Variants in NRG1 observed in about 807,000 individuals in gnomAD.
NRG1 encodes neuregulin 1.
Under a neutral mutation model 63.8 loss-of-function variants are expected in NRG1, and 18 were observed. The ratio of observed to expected loss-of-function variants is 0.28; its 90% CI spans 0.19 to 0.42. The LOEUF (loss-of-function observed/expected upper bound fraction) is 0.42. Ranked by LOEUF, NRG1 falls within the 10% of genes least tolerant of loss-of-function variation. NRG1 has a pLI of 1.00. For missense variants in NRG1, 762 were observed against 814.7 expected (o/e 0.94, Z 0.79); for synonymous variants, 302 against 301.3 (o/e 1.00, Z -0.02).
chr8:32,431,957 C>A, intron 1 of NRG1, among the ~76,000 whole-genome samples: 1 of 152,130 alleles, frequency 6.6e-6, no homozygotes, highest in Admixed American at 6.6e-5. Context: ...AGGTGTTACT[C>A]CACACATGGT....
intron 1 of NRG1, among the ~76,000 whole-genome samples, chr8:31,651,013 C>T (rs1804786227): frequency 6.6e-6 from 1 of 152,170 alleles, no homozygotes; most frequent in Non-Finnish European, 1.5e-5. Context: ...ACATAGAAAT[C>T]TCCTTCTTCT....
chr8:32,507,499 G>A (rs911541319), intron 1 of NRG1, among the ~76,000 whole-genome samples: 1 of 152,142 alleles, frequency 6.6e-6, no homozygotes, highest in Admixed American at 6.5e-5. Flanking sequence ...TTGTTCATTT[G>A]AGGAAACAAC....
intron 1 of NRG1, among the ~76,000 whole-genome samples, chr8:32,333,523 T>C (rs898595742): frequency 1.3e-5 from 2 of 152,130 alleles, no homozygotes; most frequent in Non-Finnish European, 2.9e-5. Context: ...AATAAATTAG[T>C]TTTTTCTTAA....
chr8:32,542,347 T>C (rs1489916392), intron 1 of NRG1, among the ~76,000 whole-genome samples: 1 of 152,104 alleles, frequency 6.6e-6, no homozygotes, highest in Non-Finnish European at 1.5e-5. Flanking sequence ...CCCAGTACCA[T>C]CATCATCATC....
chr8:32,396,643 T>C (rs763217282), intron 1 of NRG1, among the ~76,000 whole-genome samples: 1 of 152,132 alleles, frequency 6.6e-6, no homozygotes, highest in Non-Finnish European at 1.5e-5. Context: ...CAATGGGGTT[T>C]CACTATGTTG....
At chr8:32,635,103 C>G (rs1393573778) in intron 5 of NRG1, among the ~76,000 whole-genome samples, 1 of 152,140 alleles carries the variant, frequency 6.6e-6, no homozygotes, top group Non-Finnish European at 1.5e-5. Context: ...CGGACCTTAC[C>G]ACTCTAAAAA....
At chr8:32,571,057 A>C (rs913595607) in intron 1 of NRG1, among the ~76,000 whole-genome samples, 2 of 152,228 alleles carry the variant, frequency 1.3e-5, no homozygotes, top group African/African-American at 4.8e-5. Context: ...TAGGTCCTAG[A>C]AAAGCCTATG....
At chr8:31,939,182 T>TAAA (rs1801388072) in intron 1 of NRG1, among the ~76,000 whole-genome samples, 1 of 152,146 alleles carries the variant, frequency 6.6e-6, no homozygotes, top group East Asian at 1.9e-4. Flanking sequence ...AGGTAACCTA[T>TAAA]GAAGAAATAT....
chr8:32,195,649 G>C lies in NRG1; in HGVS notation c.38-400179G>C, dbSNP rs568979291. 8.7e-3 allele frequency among the ~76,000 whole-genome samples: 1,331 copies of C among 152,154 alleles called. 30 individuals are homozygous for C. The highest frequency in any genetic ancestry group is 0.03 in the African/African-American group (1,236 of 41,512). On this transcript the variant is annotated intron_variant, in intron 1 of 10. Transcript: ENST00000519301. ...TAAAAGGAAATGAAAGAATAAAAAAGCATGGCAATATCAGGCCATTAGGTG... is the reference window on the plus strand; with the variant it reads ...TAAAAGGAAATGAAAGAATAAAAAACCATGGCAATATCAGGCCATTAGGTG...
chr8:32,722,040 C>T, intron 5 of NRG1: 1 of 1,545,992 alleles, frequency 6.5e-7, no homozygotes, highest in Non-Finnish European at 8.7e-7. Flanking sequence ...GAAGATATTA[C>T]AGGTAAGGTT....
chr8:32,764,520 A>C (rs1831266060), exon 12 of NRG1: 3 of 939,026 alleles, frequency 3.2e-6, no homozygotes, highest in Non-Finnish European at 4.4e-6. Context: ...AACAGGAAAA[A>C]AACTTTTATA....
chr8:32,083,566 C>G (rs1471874640), intron 1 of NRG1, among the ~76,000 whole-genome samples: 1 of 152,140 alleles, frequency 6.6e-6, no homozygotes, highest in East Asian at 1.9e-4. Context: ...GGCTAGTTTT[C>G]AATTCCCAGG....
chr8:32,376,001 A>C (rs959903606), intron 1 of NRG1, among the ~76,000 whole-genome samples: 2 of 152,346 alleles, frequency 1.3e-5, no homozygotes, highest in South Asian at 4.1e-4. Flanking sequence ...TTCTGTTTTC[A>C]AATTGGCATC....
intron 1 of NRG1, among the ~76,000 whole-genome samples, chr8:31,785,801 C>A (rs777950428): frequency 1.4e-4 from 21 of 152,008 alleles, no homozygotes; most frequent in Non-Finnish European, 2.5e-4. Context: ...TACCTTAATT[C>A]TATTTTGAGA....
At chr8:32,168,815 CTA>C (rs1563863840) in intron 1 of NRG1, among the ~76,000 whole-genome samples, 1 of 152,244 alleles carries the variant, frequency 6.6e-6, no homozygotes, top group East Asian at 1.9e-4. Flanking sequence ...CCCCTTATTT[CTA>C]TGTCTGTCTT....
At chr8:32,345,570 A>G (rs1804776586) in intron 1 of NRG1, among the ~76,000 whole-genome samples, 1 of 152,228 alleles carries the variant, frequency 6.6e-6, no homozygotes, top group African/African-American at 2.4e-5. Flanking sequence ...TTTCTCAAGT[A>G]AGTACAGCAA....
At chr8:32,018,460 T>C (rs1324686104) in intron 1 of NRG1, among the ~76,000 whole-genome samples, 1 of 152,246 alleles carries the variant, frequency 6.6e-6, no homozygotes, top group Non-Finnish European at 1.5e-5. Context: ...AGGTAATAGC[T>C]ATTGTATTTT....
intron 1 of NRG1, among the ~76,000 whole-genome samples, chr8:32,255,541 G>T (rs1849600869): frequency 6.6e-6 from 1 of 152,194 alleles, no homozygotes; most frequent in Non-Finnish European, 1.5e-5. Flanking sequence ...CTGGCTTGTA[G>T]GGTTTCTGCA....
At position 32,092,065 on chromosome 8, in the gene NRG1, T is replaced by A. The variant is rs535760017; in HGVS notation, c.37+452634T>A. ...CACAAAAATTCAAGAAGTAATTTTT[T>A]AAAAAAAATACAGTAACATTTAAAA... On this transcript the variant is annotated intron_variant, in intron 1 of 10. Transcript: ENST00000519301. Among the ~76,000 whole-genome samples, 230 of 151,920 alleles carry A rather than the reference T, an allele frequency of 1.5e-3. 2 individuals carry two copies. Among genetic ancestry groups the A allele is most frequent in the African/African-American group, 2.9e-3 (119 of 41,430 alleles).
Sources: allele counts gnomAD v4.1 joint callset (sites outside exome capture counted in the v4.1 genomes callset), GRCh38; gene constraint gnomAD v4.1.1; transcripts MANE v1.5; gene names NCBI Gene and HGNC (gene_info 2026-07-23, HGNC 2026-07-21).